The following CEP97 variants were observed in gnomAD, a reference collection of about 807,000 sequenced individuals.
The protein encoded by CEP97 is centrosomal protein of 97 kDa.
CEP97 carries 43 observed loss-of-function variants against 73.1 expected under a neutral mutation model. The ratio of observed to expected loss-of-function variants is 0.59; its 90% CI spans 0.46 to 0.76. CEP97 has a LOEUF of 0.76. CEP97 is among the 30% of genes least tolerant of loss of function. The pLI is 0.00. For synonymous variants in CEP97, 337 were observed against 370.0 expected (o/e 0.91, Z 1.02); for missense variants, 939 against 1,014.0 (o/e 0.93, Z 1.00).
chr3:101,753,592 C>T lies in CEP97; in HGVS notation c.729-1838C>T, dbSNP rs572623933. Among the ~76,000 whole-genome samples the T allele has an allele frequency of 1.1e-3, 162 of 152,374 alleles. 4 individuals are homozygous for T. In the South Asian group the frequency reaches 0.023, roughly 21 times the overall value. ...CTTCCGGCTGCTTTGTTTACCTAAG[C>T]GAGCCTGGGCAATGGCGGGCGCCCC... On this transcript the variant is annotated intron_variant, in intron 6 of 10. Transcript: ENST00000341893.
In CEP97 at chr3:101,757,732, A is replaced by G; in HGVS notation, c.1126A>G (p.Arg376Gly). Residue 376 changes from arginine (R) to glycine (G), a missense_variant, in exon 9 of 11, where the codon AGA (arginine) becomes GGA (glycine). Arg to Gly is a moderately radical substitution (Grantham distance 125). Coordinates refer to ENST00000341893, the MANE Select transcript of CEP97 (RefSeq NM_024548.4). ...NNFPASVHTT[R>G]YSRNDLHLED... ...TTTTCCAGCCTCTGTACACACTACG[A>G]GATATTCTCGAAATGATCTGCACCT... 1 of 1,614,224 alleles carries G rather than the reference A, an allele frequency of 6.2e-7. No homozygotes were observed. The highest frequency in any genetic ancestry group is 8.5e-7 in the Non-Finnish European group (1 of 1,180,040).
chr3:101,755,649 G>A, intron 7 of CEP97, 55 bp downstream of exon 7: 1 of 1,562,848 alleles, frequency 6.4e-7, no homozygotes, highest in Non-Finnish European at 8.8e-7. Context: ...ATACCTCTGA[G>A]TCTTTGCTAT....
In CEP97 at chr3:101,757,078, G is replaced by A. The variant is rs766127476; in HGVS notation, c.909G>A (p.Gln303=). The A allele has an allele frequency of 5.0e-6, 8 of 1,609,756 alleles. No homozygotes were observed. In the South Asian group the frequency reaches 7.8e-5, roughly 16 times the overall value. The change falls in exon 8 of 11, where the codon CAG becomes CAA. Residue 303 remains glutamine, a synonymous_variant. Coordinates refer to ENST00000341893, the MANE Select transcript of CEP97 (RefSeq NM_024548.4). ...TGATTTTTAGGTTTCACCAGAGGCA[G>A]TTGATGAACCAAAGCCAAAATGAAG... ...ILSKQRFHQR[Q]LMNQSQNEEL...
chr3:101,757,864 G>A lies in CEP97; in HGVS notation c.1258G>A (p.Glu420Lys), dbSNP rs1939057339. The change falls in exon 9 of 11, where the codon GAG (glutamate) becomes AAG (lysine). Residue 420 changes from glutamate to lysine, a missense_variant. Transcript: ENST00000341893. ...SGLSPLSPTVELRLQGINLGL... is the reference protein window; with the variant it reads ...SGLSPLSPTVKLRLQGINLGL... ...ACTGTCTCCACTATCACCTACAGTT[G>A]AGCTGAGGCTGCAGGGCATTAACTT... 3 of 1,614,222 alleles carry A rather than the reference G, an allele frequency of 1.9e-6. No homozygotes were observed. The highest frequency in any genetic ancestry group is 2.5e-6 in the Non-Finnish European group (3 of 1,180,040).
At chr3:101,751,379 T>G (rs577228068) in intron 6 of CEP97, among the ~76,000 whole-genome samples, 1 of 152,168 alleles carries the variant, frequency 6.6e-6, no homozygotes, top group African/African-American at 2.4e-5. Context: ...CTGAAAAAAA[T>G]GTATATTCTT....
chr3:101,735,733 C>T (rs1333994008), intron 6 of CEP97, among the ~76,000 whole-genome samples: 1 of 152,196 alleles, frequency 6.6e-6, no homozygotes, highest in African/African-American at 2.4e-5. Flanking sequence ...AGTGCCTACG[C>T]CACCAGGGCC....
At chr3:101,756,780 A>G (rs780936426) in intron 7 of CEP97, among the ~76,000 whole-genome samples, 1 of 152,226 alleles carries the variant, frequency 6.6e-6, no homozygotes, top group East Asian at 1.9e-4. Context: ...AAGTATTGCC[A>G]GAAGCATTTA....
At chr3:101,725,909 T>C (rs1937871500) in intron 1 of CEP97, among the ~76,000 whole-genome samples, 1 of 151,684 alleles carries the variant, frequency 6.6e-6, no homozygotes, top group African/African-American at 2.4e-5. Context: ...ATTTTCTCTG[T>C]AGAACTACAT....
Position 101,767,385 on chromosome 3 carries a change from T to G in CEP97, c.*1834T>G, listed in dbSNP as rs905076692. On this transcript the variant is annotated 3_prime_UTR_variant, in exon 11 of 11. Coordinates refer to ENST00000341893, the MANE Select transcript of CEP97 (RefSeq NM_024548.4). ...TTTCTGAATGATTTTGAATGTCTTC[T>G]TAAATATACCCTATTTTTCTATTTT... 6.6e-6 allele frequency: 1 copy of G among 152,260 alleles called. No individual in the cohort carries two copies. The highest frequency in any genetic ancestry group is 1.5e-5 in the Non-Finnish European group (1 of 68,044). 9.4% of individuals were successfully genotyped at this position (152,260 alleles called of 1,614,324 possible). A position where few individuals can be genotyped will look rare whatever the true frequency, so the allele number is the denominator to read the frequency against.
Position 101,745,622 on chromosome 3 carries a change from A to G in CEP97, c.729-9808A>G, listed in dbSNP as rs569194564. On this transcript the variant is annotated intron_variant, in intron 6 of 10. Transcript: ENST00000341893. ...CAAATATATACAAAGTTAGAATAAC[A>G]TAATGAACATCTATGTACCCACCAT... 3.3e-5 allele frequency among the ~76,000 whole-genome samples: 5 copies of G among 152,172 alleles called. No individual in the cohort carries two copies. In the South Asian group the frequency reaches 1.0e-3, roughly 32 times the overall value.
At chr3:101,755,252 T>C (rs1423933740) in intron 6 of CEP97, among the ~76,000 whole-genome samples, 178 bp from the exon 7 acceptor site, 2 of 152,178 alleles carry the variant, frequency 1.3e-5, no homozygotes, top group Admixed American at 6.5e-5. Flanking sequence ...GAAACATTAT[T>C]AGAATGGTGA....
chr3:101,735,146 T>TG (rs1938232987), intron 6 of CEP97, among the ~76,000 whole-genome samples: 1 of 152,214 alleles, frequency 6.6e-6, no homozygotes, highest in African/African-American at 2.4e-5. Context: ...TTGTTGAAAC[T>TG]AAAGAGAGTG....
chr3:101,749,991 T>G (rs576580852), intron 6 of CEP97, among the ~76,000 whole-genome samples: 130 of 151,476 alleles, frequency 8.6e-4, no homozygotes, highest in Non-Finnish European at 1.5e-3. Context: ...CAGAAGCTCT[T>G]TAGTTTAATG....
Position 101,755,508 on chromosome 3 carries a change from T to C in CEP97, c.807T>C (p.Tyr269=). The C allele has an allele frequency of 6.2e-7, 1 of 1,614,174 alleles. No individual in the cohort carries two copies. The highest frequency in any genetic ancestry group is 8.5e-7 in the Non-Finnish European group (1 of 1,180,004). The change falls in exon 7 of 11, where the codon TAT becomes TAC. Residue 269 remains tyrosine (Y), a synonymous_variant. Coordinates refer to ENST00000341893, the MANE Select transcript of CEP97 (RefSeq NM_024548.4). ...RPGQHIQLVQ[Y]LATVCPLTST... is the part of the protein sequence containing the mutation. ...GCCAGCACATCCAGCTTGTCCAATATCTGGCTACAGTCTGCCCCCTCACTT... is the reference window on the plus strand; with the variant it reads ...GCCAGCACATCCAGCTTGTCCAATACCTGGCTACAGTCTGCCCCCTCACTT...
chr3:101,747,934 G>A (rs2107165616), intron 6 of CEP97, among the ~76,000 whole-genome samples: 1 of 151,080 alleles, frequency 6.6e-6, no homozygotes, highest in East Asian at 1.9e-4. Context: ...ACCAGACTGG[G>A]CAGCATAGTG....
rs778549966 is a variant in CEP97, at chr3:101,769,777, G to C, written c.*4226G>C. On this transcript the variant is annotated 3_prime_UTR_variant, in exon 11 of 11. Transcript: ENST00000341893. ...TCATTCATGAAGTGAAGCAGAAAGGGTCTGTAAGGAACATTCTAAACATTT... is the reference window on the plus strand; with the variant it reads ...TCATTCATGAAGTGAAGCAGAAAGGCTCTGTAAGGAACATTCTAAACATTT... 2 of 152,160 alleles carry C rather than the reference G, an allele frequency of 1.3e-5. No homozygotes were observed. Among genetic ancestry groups the C allele is most frequent in the Non-Finnish European group, 2.9e-5 (2 of 68,046 alleles). The allele number at this position is 152,160 out of a possible 1,614,324, so 9.4% of individuals were successfully genotyped here.
chr3:101,761,734 T>C (rs1484322609), intron 9 of CEP97, among the ~76,000 whole-genome samples: 1 of 152,086 alleles, frequency 6.6e-6, no homozygotes, highest in East Asian at 1.9e-4. Flanking sequence ...TAATTATAAT[T>C]CAGGAGTTCT....
chr3:101,737,918 C>T (rs1234223123), intron 6 of CEP97, among the ~76,000 whole-genome samples: 1 of 147,098 alleles, frequency 6.8e-6, no homozygotes, highest in Non-Finnish European at 1.5e-5. Context: ...AATCAAGAAC[C>T]ATTGGTGTGC....
At chr3:101,735,731 C>T (rs141444319) in intron 6 of CEP97, among the ~76,000 whole-genome samples, 26 of 152,308 alleles carry the variant, frequency 1.7e-4, no homozygotes, top group Non-Finnish European at 3.1e-4. Context: ...CCAGTGCCTA[C>T]GCCACCAGGG....
Sources: gnomAD v4.1 joint callset for allele counts (sites outside exome capture counted in the v4.1 genomes callset) on GRCh38, gnomAD v4.1.1 for gene constraint, MANE v1.5 for transcripts, NCBI Gene and HGNC (gene_info 2026-07-23, HGNC 2026-07-21) for gene names.